The following BLNK variants were observed in gnomAD, a reference collection of about 807,000 sequenced individuals.
The protein encoded by BLNK is B-cell linker protein.
BLNK carries 29 observed loss-of-function variants against 73.5 expected under a neutral mutation model. That is an observed-to-expected ratio of 0.39 (90% CI 0.29 to 0.54). The LOEUF (loss-of-function observed/expected upper bound fraction) is 0.54. BLNK is among the 20% of genes least tolerant of loss of function. The pLI, the probability that BLNK is intolerant of heterozygous loss-of-function variation, is 0.61. For missense variants in BLNK, 460 were observed against 562.8 expected (o/e 0.82, Z 1.85); for synonymous variants, 176 against 200.8 (o/e 0.88, Z 1.04).
At chr10:96,258,999 T>A (rs1843635010) in intron 1 of BLNK, among the ~76,000 whole-genome samples, 1 of 152,212 alleles carries the variant, frequency 6.6e-6, no homozygotes. Context: ...GTTAAATAAT[T>A]TGCCCAGATC....
intron 3 of BLNK, among the ~76,000 whole-genome samples, chr10:96,236,487 A>G (rs1842695411): frequency 6.6e-6 from 1 of 152,166 alleles, no homozygotes; most frequent in Non-Finnish European, 1.5e-5. Flanking sequence ...GACAAGACCC[A>G]GATTCAGGCT....
intron 16 of BLNK, 117 bp from the exon 17 acceptor site, chr10:96,192,209 T>G: frequency 7.2e-7 from 1 of 1,387,426 alleles, no homozygotes; most frequent in Non-Finnish European, 1.0e-6. Flanking sequence ...CCAGCTGACA[T>G]TCTGCACAAA....
At chr10:96,215,278 T>C in intron 8 of BLNK, 43 bp downstream of exon 8, 1 of 1,564,230 alleles carries the variant, frequency 6.4e-7, no homozygotes, top group East Asian at 2.2e-5. Flanking sequence ...TTTTCTTATT[T>C]GAAATAGACG....
intron 15 of BLNK, among the ~76,000 whole-genome samples, chr10:96,198,800 C>A (rs1479857486): frequency 6.6e-6 from 1 of 152,170 alleles, no homozygotes; most frequent in Admixed American, 6.5e-5. Flanking sequence ...CTAGGCCCAA[C>A]CGATTCTCCT....
chr10:96,210,891 C>G (rs1474876082), intron 8 of BLNK, among the ~76,000 whole-genome samples: 2 of 112,872 alleles, frequency 1.8e-5, no homozygotes, highest in Admixed American at 2.0e-4. Context: ...TTTTTTGAGA[C>G]AGGGTCTTGT....
intron 3 of BLNK, among the ~76,000 whole-genome samples, chr10:96,235,709 G>C (rs1554904955): frequency 6.6e-6 from 1 of 152,174 alleles, no homozygotes; most frequent in Non-Finnish European, 1.5e-5. Flanking sequence ...GGGCCGAATG[G>C]GGCCTTGAAG....
chr10:96,260,137 A>G (rs1180210804), intron 1 of BLNK, among the ~76,000 whole-genome samples: 1 of 152,184 alleles, frequency 6.6e-6, no homozygotes, highest in Non-Finnish European at 1.5e-5. Flanking sequence ...TGAATAAAGG[A>G]AAACTTCCTC....
At chr10:96,220,248 T>G (rs2084165276) in intron 6 of BLNK, among the ~76,000 whole-genome samples, 2 of 152,172 alleles carry the variant, frequency 1.3e-5, no homozygotes, top group Admixed American at 1.3e-4. Flanking sequence ...TATTAAACTT[T>G]CTGCTCCTTA....
chr10:96,271,456 C>T lies in BLNK; in HGVS notation c.-58G>A, dbSNP rs1844267720. On this transcript the variant is annotated 5_prime_UTR_variant, in exon 1 of 17. Coordinates refer to ENST00000224337, the MANE Select transcript of BLNK (RefSeq NM_013314.4). Reference sequence around the variant, plus strand: ...TGTCCAGTGGTCACGTCAGCAGTTCCTGGCCCTCCTAGGGAGCAGCATGGT... The same window carrying T: ...TGTCCAGTGGTCACGTCAGCAGTTCTTGGCCCTCCTAGGGAGCAGCATGGT... The T allele has an allele frequency of 6.4e-7, 1 of 1,567,376 alleles. No homozygotes were observed. The highest frequency in any genetic ancestry group is 8.8e-7 in the Non-Finnish European group (1 of 1,137,736).
At chr10:96,266,351 G>A (rs1266391093) in intron 1 of BLNK, among the ~76,000 whole-genome samples, 1 of 152,250 alleles carries the variant, frequency 6.6e-6, no homozygotes, top group Non-Finnish European at 1.5e-5. Flanking sequence ...AACATGTTGT[G>A]TGAAGAGGAA....
intron 8 of BLNK, chr10:96,210,435 A>T (rs2133984843): frequency 6.1e-6 from 1 of 165,024 alleles, no homozygotes; most frequent in East Asian, 1.6e-4. Context: ...ATATTTACTC[A>T]CTCATCTCTG....
At chr10:96,260,288 G>A (rs1389650286) in intron 1 of BLNK, among the ~76,000 whole-genome samples, 6 of 152,158 alleles carry the variant, frequency 3.9e-5, no homozygotes, top group Non-Finnish European at 7.3e-5. Context: ...TGACTCTGAT[G>A]TGCTCATTGT....
rs782369884 is a variant in BLNK, at chr10:96,200,961, C to T, written c.1011+21G>A. ...CAGTTTCCTGGTAACAATTTAGTGACATCAAGAGTTCATTTCATACCTGTT... is the reference window on the plus strand; with the variant it reads ...CAGTTTCCTGGTAACAATTTAGTGATATCAAGAGTTCATTTCATACCTGTT... On this transcript the variant is annotated intron_variant, in intron 14 of 16. Transcript: ENST00000224337. The surrounding 1 kb of genome is among the most constrained non-coding windows in gnomAD (Gnocchi z 4.3). 2 of 1,605,754 alleles carry T rather than the reference C, an allele frequency of 1.2e-6. No individual in the cohort carries two copies. The highest frequency in any genetic ancestry group is 1.3e-5 in the African/African-American group (1 of 74,718).
chr10:96,245,255 G>A (rs551863653), intron 2 of BLNK, among the ~76,000 whole-genome samples: 2 of 152,076 alleles, frequency 1.3e-5, no homozygotes, highest in Admixed American at 6.5e-5. Flanking sequence ...AGATTAAAAC[G>A]AATAAGGATG....
At chr10:96,216,832 A>G (rs2084078857) in intron 6 of BLNK, 98 bp from the exon 7 acceptor site, 1 of 974,686 alleles carries the variant, frequency 1.0e-6, no homozygotes, top group African/African-American at 1.6e-5. Flanking sequence ...TTGAGACGCA[A>G]TTCACATATC....
At chr10:96,216,395 CAGG>C (rs1554899854) in intron 7 of BLNK, 1 of 527,516 alleles carries the variant, frequency 1.9e-6, no homozygotes, top group Non-Finnish European at 3.4e-6. Flanking sequence ...GAGAACTACC[CAGG>C]TGCTTTCATA....
At chr10:96,268,213 G>A (rs1039213612) in intron 1 of BLNK, among the ~76,000 whole-genome samples, 2 of 152,130 alleles carry the variant, frequency 1.3e-5, no homozygotes, top group Admixed American at 6.5e-5. Flanking sequence ...GAATCAATTG[G>A]GAGGTTATTA....
chr10:96,218,469 T>G (rs183075608), intron 6 of BLNK, among the ~76,000 whole-genome samples: 1 of 152,204 alleles, frequency 6.6e-6, no homozygotes, highest in Admixed American at 6.5e-5. Flanking sequence ...GGCAGGTGGA[T>G]AGATAAGAGT....
At chr10:96,207,329 G>C (rs2083842123) in intron 10 of BLNK, among the ~76,000 whole-genome samples, 3 of 151,986 alleles carry the variant, frequency 2.0e-5, no homozygotes, top group Non-Finnish European at 1.5e-5. Context: ...GACCCCCCCA[G>C]CAGCTGCCAC....
Sources: gnomAD v4.1 joint callset for allele counts (sites outside exome capture counted in the v4.1 genomes callset) on GRCh38, gnomAD v4.1.1 for gene constraint, Gnocchi (gnomAD v3.1) non-coding constraint, MANE v1.5 for transcripts, NCBI Gene and HGNC (gene_info 2026-07-23, HGNC 2026-07-21) for gene names.